SLC44A5: variants seen among roughly 807,000 people sequenced by gnomAD.
The protein encoded by SLC44A5 is choline transporter-like protein 5.
In SLC44A5, 57 loss-of-function variants were observed where a neutral mutation model predicts 101.8. The ratio of observed to expected loss-of-function variants is 0.56; its 90% confidence interval spans 0.45 to 0.70. The LOEUF is 0.70. Ranked by LOEUF, SLC44A5 falls within the 30% of genes least tolerant of loss-of-function variation. SLC44A5 has a pLI of 0.00. For synonymous variants in SLC44A5, 281 were observed against 290.9 expected (o/e 0.97, Z 0.35); for missense variants, 737 against 853.1 (o/e 0.86, Z 1.70).
At chr1:75,220,023 G>GT in intron 14 of SLC44A5, 131 bp from the exon 15 acceptor site, 1 of 515,280 alleles carries the variant, frequency 1.9e-6, no homozygotes, top group Non-Finnish European at 3.4e-6. Context: ...TTCTCAGTTG[G>GT]TTTTACATTT....
At chr1:75,561,250 G>C (rs919646855) in intron 1 of SLC44A5, among the ~76,000 whole-genome samples, 1 of 152,076 alleles carries the variant, frequency 6.6e-6, no homozygotes, top group Non-Finnish European at 1.5e-5. Flanking sequence ...TATACTTTCA[G>C]AGCTTATTAT....
intron 2 of SLC44A5, among the ~76,000 whole-genome samples, chr1:75,411,160 G>A (rs904334082): frequency 3.3e-5 from 5 of 152,068 alleles, no homozygotes; most frequent in African/African-American, 1.2e-4. Context: ...TGGGACTAGA[G>A]AGCAGATTAG....
At chr1:75,436,207 G>A (rs1006465543) in intron 2 of SLC44A5, among the ~76,000 whole-genome samples, 3 of 151,980 alleles carry the variant, frequency 2.0e-5, no homozygotes, top group Non-Finnish European at 4.4e-5. Flanking sequence ...AAAACCCTCA[G>A]TTTGGTTAGT....
intron 3 of SLC44A5, among the ~76,000 whole-genome samples, chr1:75,366,908 A>G (rs980986178): frequency 2.0e-5 from 3 of 150,852 alleles, no homozygotes; most frequent in East Asian, 4.0e-4. Context: ...TAAACTTCTC[A>G]TTGTGTTAAT....
intron 2 of SLC44A5, among the ~76,000 whole-genome samples, chr1:75,492,150 T>C (rs1668459079): frequency 6.6e-6 from 1 of 152,176 alleles, no homozygotes; most frequent in African/African-American, 2.4e-5. Context: ...GCCTTATCCC[T>C]GAAGTATCAC....
intron 2 of SLC44A5, among the ~76,000 whole-genome samples, chr1:75,400,142 T>C (rs979818162): frequency 3.3e-5 from 5 of 152,152 alleles, no homozygotes; most frequent in African/African-American, 9.7e-5. Flanking sequence ...AGGGAATATG[T>C]AGACATAAAG....
the SLC44A5 span, among the ~76,000 whole-genome samples, chr1:75,661,996 G>T: frequency 1.3e-5 from 2 of 151,972 alleles, no homozygotes; most frequent in Non-Finnish European, 2.9e-5. Flanking sequence ...CCACTACTGG[G>T]TATGTATCCA....
intron 4 of SLC44A5, among the ~76,000 whole-genome samples, chr1:75,326,689 T>A (rs1200843984): frequency 1.3e-5 from 2 of 152,128 alleles, no homozygotes; most frequent in African/African-American, 2.4e-5. Flanking sequence ...GGGGAGGAAG[T>A]TGATGGCAGT....
At chr1:75,216,630 T>C (rs771612430) in intron 18 of SLC44A5, among the ~76,000 whole-genome samples, 36 of 151,854 alleles carry the variant, frequency 2.4e-4, no homozygotes. Context: ...TTCTTTGTTT[T>C]TATATATATA....
At chr1:75,204,910 T>C (rs1646724708) in intron 23 of SLC44A5, 2 of 152,230 alleles carry the variant, frequency 1.3e-5, no homozygotes, top group African/African-American at 2.4e-5. Context: ...TCTATAGTTA[T>C]AACAAATTCT....
intron 2 of SLC44A5, among the ~76,000 whole-genome samples, chr1:75,442,390 C>G (rs1665258483): frequency 1.3e-5 from 2 of 152,046 alleles, no homozygotes; most frequent in Admixed American, 1.3e-4. Flanking sequence ...TCTTCTTAAC[C>G]TTGAGTCAGG....
At chr1:75,326,705 A>C (rs1457051799) in intron 4 of SLC44A5, among the ~76,000 whole-genome samples, 1 of 152,180 alleles carries the variant, frequency 6.6e-6, no homozygotes, top group Non-Finnish European at 1.5e-5. Context: ...GCAGTGGGAT[A>C]GGAAATCAAA....
intron 2 of SLC44A5, among the ~76,000 whole-genome samples, chr1:75,534,585 T>C (rs541232806): frequency 3.3e-5 from 5 of 152,356 alleles, no homozygotes; most frequent in African/African-American, 1.2e-4. Context: ...TTTATTTACC[T>C]AAACCTAGAA....
At chr1:75,415,236 G>C (rs574976246) in intron 2 of SLC44A5, among the ~76,000 whole-genome samples, 1 of 152,308 alleles carries the variant, frequency 6.6e-6, no homozygotes, top group African/African-American at 2.4e-5. Flanking sequence ...GAGGGACCTG[G>C]TGGGAGATGA....
chr1:75,549,966 C>T (rs1209797852), intron 1 of SLC44A5, among the ~76,000 whole-genome samples: 1 of 151,916 alleles, frequency 6.6e-6, no homozygotes, highest in African/African-American at 2.4e-5. Context: ...TTGTACAAAC[C>T]CTTGTGGGCC....
At chr1:75,526,638 C>A (rs1047547679) in intron 2 of SLC44A5, among the ~76,000 whole-genome samples, 4 of 152,204 alleles carry the variant, frequency 2.6e-5, no homozygotes, top group Non-Finnish European at 5.9e-5. Flanking sequence ...CTAAATCTTT[C>A]TGAGAGGCTA....
the SLC44A5 span, among the ~76,000 whole-genome samples, chr1:75,655,001 C>T: frequency 6.6e-6 from 1 of 152,102 alleles, no homozygotes; most frequent in East Asian, 1.9e-4. Context: ...CCAATCTTTT[C>T]AAATTTGGGT....
the SLC44A5 span, among the ~76,000 whole-genome samples, chr1:75,656,714 G>C: frequency 6.6e-6 from 1 of 152,068 alleles, no homozygotes; most frequent in Admixed American, 6.6e-5. Flanking sequence ...CATACTGCCA[G>C]AGAAAATCAC....
intron 2 of SLC44A5, among the ~76,000 whole-genome samples, chr1:75,428,182 G>C (rs988282676): frequency 6.6e-6 from 1 of 152,128 alleles, no homozygotes; most frequent in Non-Finnish European, 1.5e-5. Context: ...TGACATTTTG[G>C]GGGAGTGTTG....
Sources: allele counts gnomAD v4.1 joint callset (sites outside exome capture counted in the v4.1 genomes callset), GRCh38; gene constraint gnomAD v4.1.1; transcripts MANE v1.5; gene names NCBI Gene and HGNC (gene_info 2026-07-23, HGNC 2026-07-21).